TSHZ2: variants seen among roughly 807,000 people sequenced by gnomAD.
TSHZ2 encodes the protein teashirt homolog 2.
Under a neutral mutation model 74.4 loss-of-function variants are expected in TSHZ2, and 21 were observed. That is an observed-to-expected ratio of 0.28 (90% confidence interval 0.20 to 0.41). The LOEUF is 0.41. Among genes scored for constraint, TSHZ2 ranks in the 10% least tolerant of loss-of-function variants. The pLI, the probability that TSHZ2 is intolerant of heterozygous loss-of-function variation, is 1.00. For synonymous variants in TSHZ2, 540 were observed against 515.3 expected (o/e 1.05, Z -0.65); for missense variants, 1,244 against 1,293.5 (o/e 0.96, Z 0.59).
intron 1 of TSHZ2, among the ~76,000 whole-genome samples, chr20:52,992,117 C>A (rs1982018282): frequency 6.6e-6 from 1 of 152,138 alleles, no homozygotes; most frequent in Non-Finnish European, 1.5e-5. Context: ...AGCTCCACAC[C>A]CTATTGTAAT....
Position 52,973,113 on chromosome 20 carries a change from G to T in TSHZ2, c.-181G>T. On this transcript the variant is annotated 5_prime_UTR_variant, in exon 1 of 3. Coordinates refer to ENST00000371497, the MANE Select transcript of TSHZ2 (RefSeq NM_173485.6). ...ACCCGTGTCTGCCACCCAGAGAGGG[G>T]GGTCTCTGGCCCGTGGTGGAGGAGT... 1 of 671,256 alleles carries T rather than the reference G, an allele frequency of 1.5e-6. No individual in the cohort carries two copies. The highest frequency in any genetic ancestry group is 2.4e-6 in the Non-Finnish European group (1 of 410,230). 41.6% of individuals were successfully genotyped at this position (671,256 alleles called of 1,614,324 possible). A position where few individuals can be genotyped will look rare whatever the true frequency, so the allele number is the denominator to read the frequency against.
chr20:53,040,539 GAGTGC>G (rs1250749369), intron 1 of TSHZ2, among the ~76,000 whole-genome samples: 8 of 152,128 alleles, frequency 5.3e-5, no homozygotes, highest in Admixed American at 5.2e-4. Flanking sequence ...TGGGCTCTCT[GAGTGC>G]AGTTTGCTCC....
intron 1 of TSHZ2, among the ~76,000 whole-genome samples, chr20:53,085,297 G>A (rs371732776): frequency 6.6e-5 from 10 of 152,190 alleles, no homozygotes; most frequent in East Asian, 5.8e-4. Context: ...TCCAGGGGGC[G>A]GAGGTCGCAG....
intron 2 of TSHZ2, among the ~76,000 whole-genome samples, chr20:53,360,247 A>T (rs1980999364): frequency 6.6e-6 from 1 of 152,224 alleles, no homozygotes; most frequent in South Asian, 2.1e-4. Context: ...TCAGTATAAG[A>T]CAGCATATGT....
At chr20:53,273,233 T>C (rs1217704677) in intron 2 of TSHZ2, 1 of 152,348 alleles carries the variant, frequency 6.6e-6, no homozygotes, top group Non-Finnish European at 1.5e-5. Context: ...GTTGGATTTG[T>C]TTTTCATTAG....
At chr20:53,199,915 T>C (rs926049643) in intron 1 of TSHZ2, among the ~76,000 whole-genome samples, 53 of 152,186 alleles carry the variant, frequency 3.5e-4, no homozygotes, top group African/African-American at 1.2e-3. Context: ...GGAGTAAATG[T>C]GTATACATCA....
At chr20:53,385,064 T>C (rs1248193307) in intron 2 of TSHZ2, among the ~76,000 whole-genome samples, 3 of 151,930 alleles carry the variant, frequency 2.0e-5, no homozygotes, top group Non-Finnish European at 2.9e-5. Context: ...GAGCTTGCAG[T>C]GAGCTGAGAC....
chr20:53,442,429 T>C (rs914743312), intron 2 of TSHZ2, among the ~76,000 whole-genome samples: 5 of 152,158 alleles, frequency 3.3e-5, no homozygotes, highest in Admixed American at 1.3e-4. Context: ...TAATTTTTCA[T>C]AGGTGATCGA....
intron 1 of TSHZ2, among the ~76,000 whole-genome samples, chr20:53,096,560 TATCATAAGC>T (rs1268741720): frequency 6.6e-6 from 1 of 152,024 alleles, no homozygotes; most frequent in African/African-American, 2.4e-5. Context: ...TGTATGTCAT[TATCATAAGC>T]ATCATCATCA....
chr20:53,204,128 T>TATACTATTATATCATCATATG lies in TSHZ2; in HGVS notation c.41-49369_41-49368insACTATTATATCATCATATGAT. Reference sequence around the variant, plus strand: ...GATATACTATATCATCATATGATGATATGATATACTATATCATCATATGAT... The same window carrying TATACTATTATATCATCATATG: ...GATATACTATATCATCATATGATGATATACTATTATATCATCATATGATGATATACTATATCATCATATGAT... On this transcript the variant is annotated intron_variant, in intron 1 of 2. Transcript: ENST00000371497. 1.3e-4 allele frequency among the ~76,000 whole-genome samples: 12 copies of TATACTATTATATCATCATATG among 93,120 alleles called. 1 individual carries two copies. Among genetic ancestry groups the TATACTATTATATCATCATATG allele is most frequent in the Admixed American group, 9.0e-4 (7 of 7,754 alleles). The allele number at this position is 93,120 out of a possible 152,430, so 61.1% of individuals were successfully genotyped here. A position where few individuals can be genotyped will look rare whatever the true frequency, so the allele number is the denominator to read the frequency against.
intron 1 of TSHZ2, among the ~76,000 whole-genome samples, chr20:53,031,521 G>A (rs928598425): frequency 1.6e-4 from 24 of 152,334 alleles, no homozygotes; most frequent in South Asian, 8.3e-4. Flanking sequence ...TGGGTTTATA[G>A]AGAAAGGCCT....
intron 1 of TSHZ2, chr20:53,185,671 A>T: frequency 6.5e-7 from 1 of 1,536,094 alleles, no homozygotes; most frequent in Non-Finnish European, 8.7e-7. Context: ...TTGCTCCATT[A>T]TACAGGTACA....
chr20:53,179,916 A>T (rs773539508), intron 1 of TSHZ2, among the ~76,000 whole-genome samples: 33 of 152,194 alleles, frequency 2.2e-4, no homozygotes, highest in Non-Finnish European at 3.7e-4. Flanking sequence ...GTTCTCCTTT[A>T]AAAAAGATGG....
intron 2 of TSHZ2, among the ~76,000 whole-genome samples, chr20:53,419,774 G>A (rs1291341952): frequency 2.0e-5 from 3 of 152,234 alleles, no homozygotes; most frequent in South Asian, 2.1e-4. Flanking sequence ...ACAAACACGG[G>A]ACATGTGAGA....
At chr20:53,124,963 T>C (rs778217510) in intron 1 of TSHZ2, among the ~76,000 whole-genome samples, 8 of 152,218 alleles carry the variant, frequency 5.3e-5, no homozygotes, top group Non-Finnish European at 1.0e-4. Context: ...GAAGTAGCCA[T>C]AGATAATTTG....
chr20:52,974,830 G>T (rs1267593796), intron 1 of TSHZ2, among the ~76,000 whole-genome samples: 1 of 152,152 alleles, frequency 6.6e-6, no homozygotes, highest in Non-Finnish European at 1.5e-5. Context: ...TTGTAAGTTG[G>T]TTCAAGTGGC....
At chr20:53,305,233 T>C (rs1040462408) in intron 2 of TSHZ2, among the ~76,000 whole-genome samples, 6 of 152,110 alleles carry the variant, frequency 3.9e-5, no homozygotes, top group African/African-American at 1.4e-4. Context: ...CCACCGCGCC[T>C]GGCCCTTAAT....
At chr20:53,474,532 G>C (rs199986881) in intron 2 of TSHZ2, among the ~76,000 whole-genome samples, 1 of 114,800 alleles carries the variant, frequency 8.7e-6, no homozygotes, top group Non-Finnish European at 1.8e-5. Context: ...AAGAACAACC[G>C]GTACCAGCCG....
At chr20:53,120,192 G>A (rs190073746) in intron 1 of TSHZ2, among the ~76,000 whole-genome samples, 12 of 152,224 alleles carry the variant, frequency 7.9e-5, no homozygotes, top group Admixed American at 1.3e-4. Flanking sequence ...ATATGAATCC[G>A]TGGATTCCAA....
Sources: allele counts gnomAD v4.1 joint callset (sites outside exome capture counted in the v4.1 genomes callset), GRCh38; gene constraint gnomAD v4.1.1; transcripts MANE v1.5; gene names NCBI Gene and HGNC (gene_info 2026-07-23, HGNC 2026-07-21).